Variants in ATP6V0A1 observed in about 807,000 individuals in gnomAD.
ATP6V0A1 encodes the protein ATPase H+ transporting V0 subunit a1, also known as V-type proton ATPase 116 kDa subunit a 1.
Under a neutral mutation model 105.4 loss-of-function variants are expected in ATP6V0A1, and 43 were observed. That is an observed-to-expected ratio of 0.41 (90% CI 0.32 to 0.53). The LOEUF (loss-of-function observed/expected upper bound fraction) is 0.53, where lower values mean the gene tolerates loss of function less well. Ranked by LOEUF, ATP6V0A1 falls within the 20% of genes least tolerant of loss-of-function variation. The pLI is 0.30. For missense variants in ATP6V0A1, 676 were observed against 1,051.1 expected, an observed-to-expected ratio of 0.64 and a Z score of 4.93; for synonymous variants, 362 against 372.8, an observed-to-expected ratio of 0.97 and a Z score of 0.33.
Position 42,507,574 on chromosome 17 carries a change from G to T in ATP6V0A1, c.2059G>T (p.Ala687Ser). ...RVGNGPTEED[A>S]EIIQHDQLST... is the part of the protein sequence containing the mutation. ...GGGCAACGGACCGACAGAGGAGGAT[G>T]CTGAGATTATTCAGCATGACCAGCT... is the stretch of plus-strand genomic sequence containing the variant. Residue 687 changes from alanine to serine, a missense_variant, in exon 18 of 22, where the codon GCT (alanine) becomes TCT (serine). Around this residue, in one of 3 missense-constraint regions of ATP6V0A1, gnomAD observed 435 missense variants for 642.2 expected, o/e 0.68. Coordinates refer to ENST00000343619, the MANE Select transcript of ATP6V0A1 (RefSeq NM_001130021.3). The T allele has an allele frequency of 1.2e-6, 2 of 1,614,052 alleles. No individual in the cohort carries two copies. The highest frequency in any genetic ancestry group is 1.7e-6 in the Non-Finnish European group (2 of 1,179,992).
rs541851512 is a variant in ATP6V0A1 at position 42,465,138 on chromosome 17, A to G, written c.118-1291A>G. On this transcript the variant is annotated intron_variant, in intron 2 of 21. Coordinates refer to ENST00000343619, the MANE Select transcript of ATP6V0A1 (RefSeq NM_001130021.3). ...CTCCTGAGTAGCTGGGATTACAGGCATGTACCATCATGCCCGGCTAATTTT... is the reference window on the plus strand; with the variant it reads ...CTCCTGAGTAGCTGGGATTACAGGCGTGTACCATCATGCCCGGCTAATTTT... Among the ~76,000 whole-genome samples the G allele has an allele frequency of 1.3e-4, 20 of 151,508 alleles. No homozygotes were observed. The South Asian group carries it at 4.2e-3, about 32-fold the overall frequency.
intron 2 of ATP6V0A1, among the ~76,000 whole-genome samples, chr17:42,462,656 G>T (rs1185186993): frequency 6.6e-6 from 1 of 152,070 alleles, no homozygotes; most frequent in African/African-American, 2.4e-5. Flanking sequence ...CTGACCTCTG[G>T]TGATCCACCC....
chr17:42,469,494 C>T (rs1416480418), intron 4 of ATP6V0A1, among the ~76,000 whole-genome samples: 1 of 151,424 alleles, frequency 6.6e-6, no homozygotes, highest in Non-Finnish European at 1.5e-5. Flanking sequence ...CTGCACCCAG[C>T]TAATTTTTTT....
intron 21 of ATP6V0A1, among the ~76,000 whole-genome samples, chr17:42,516,160 C>T (rs2092615130): frequency 1.3e-5 from 2 of 152,204 alleles, no homozygotes; most frequent in Admixed American, 1.3e-4. Flanking sequence ...GAATGTCTCT[C>T]TTCGTTCTCA....
At chr17:42,492,242 A>C (rs1334654591) in intron 11 of ATP6V0A1, among the ~76,000 whole-genome samples, 8 of 150,976 alleles carry the variant, frequency 5.3e-5, no homozygotes, top group Non-Finnish European at 1.2e-4. Flanking sequence ...GGTGGCATGC[A>C]CCTGTAGTCC....
At position 42,478,453 on chromosome 17, in the gene ATP6V0A1, C is replaced by T; in HGVS notation, c.507-10C>T. On this transcript the variant is annotated splice_polypyrimidine_tract_variant and intron_variant, in intron 6 of 21. Transcript: ENST00000343619. Reference sequence around the variant, plus strand: ...GAATAGAGTTTCCAATCTGCCTCTTCTCCCCACAGCTTCGTGGCTGGTGTC... The same window carrying T: ...GAATAGAGTTTCCAATCTGCCTCTTTTCCCCACAGCTTCGTGGCTGGTGTC... 6.3e-7 allele frequency: 1 copy of T among 1,582,556 alleles called. No individual in the cohort carries two copies. The highest frequency in any genetic ancestry group is 1.1e-5 in the South Asian group (1 of 87,344).
At chr17:42,471,888 A>ATTC (rs1339763444) in intron 5 of ATP6V0A1, among the ~76,000 whole-genome samples, 1 of 152,114 alleles carries the variant, frequency 6.6e-6, no homozygotes, top group African/African-American at 2.4e-5. Flanking sequence ...CTGATGGCCT[A>ATTC]AAGTACAGTA....
chr17:42,499,190 G>A (rs919068046), intron 15 of ATP6V0A1, 148 bp downstream of exon 15: 1 of 654,366 alleles, frequency 1.5e-6, no homozygotes, highest in African/African-American at 1.8e-5. Context: ...TAATGGTGTG[G>A]CCAGGCGCGG....
chr17:42,489,927 A>G (rs1427597183), intron 10 of ATP6V0A1, among the ~76,000 whole-genome samples: 2 of 152,206 alleles, frequency 1.3e-5, no homozygotes. Context: ...TAGAAAAGCA[A>G]TGGTCAGCGA....
chr17:42,488,327 C>T (rs1415587026), intron 10 of ATP6V0A1, among the ~76,000 whole-genome samples: 1 of 152,168 alleles, frequency 6.6e-6, no homozygotes, highest in Non-Finnish European at 1.5e-5. Context: ...TACCTGTCTG[C>T]ATCAGGTAGT....
intron 2 of ATP6V0A1, among the ~76,000 whole-genome samples, chr17:42,461,998 G>A (rs1414997371): frequency 6.7e-6 from 1 of 150,072 alleles, no homozygotes; most frequent in East Asian, 1.9e-4. Flanking sequence ...CTTGAGCCCA[G>A]GAGTTGGAGA....
intron 3 of ATP6V0A1, 23 bp downstream of exon 3, chr17:42,466,530 T>G (rs1042506897): frequency 1.3e-6 from 2 of 1,581,246 alleles, no homozygotes; most frequent in African/African-American, 2.7e-5. Flanking sequence ...TGGTCTTGTG[T>G]AATGTTCCTT....
intron 17 of ATP6V0A1, among the ~76,000 whole-genome samples, chr17:42,502,467 A>T (rs1268841237): frequency 1.3e-5 from 2 of 151,844 alleles, no homozygotes; most frequent in South Asian, 2.1e-4. Flanking sequence ...CGTTTACTTA[A>T]TGTCTGTGTG....
In ATP6V0A1 at chr17:42,507,637, C is replaced by T. The variant is rs535976965; in HGVS notation, c.2112+10C>T. On this transcript the variant is annotated intron_variant, in intron 18 of 21. Coordinates refer to ENST00000343619, the MANE Select transcript of ATP6V0A1 (RefSeq NM_001130021.3). Reference sequence around the variant, plus strand: ...AGAGGACGCAGACGAGGTAAGATCCCGTGGTGTGGGCTTTCTCTCCTTCCA... The same window carrying T: ...AGAGGACGCAGACGAGGTAAGATCCTGTGGTGTGGGCTTTCTCTCCTTCCA... 1.9e-5 allele frequency: 30 copies of T among 1,610,596 alleles called. 1 individual carries two copies. In the African/African-American group the frequency reaches 2.1e-4, roughly 11 times the overall value.
chr17:42,512,670 CCCTGTGGCCT>C (rs1486771749), intron 19 of ATP6V0A1, among the ~76,000 whole-genome samples: 1 of 152,174 alleles, frequency 6.6e-6, no homozygotes, highest in Non-Finnish European at 1.5e-5. Context: ...CTGGCTGCAC[CCCTGTGGCCT>C]GGGCTGTTGT....
chr17:42,490,336 T>A (rs1465432419), intron 10 of ATP6V0A1, 151 bp from the exon 11 acceptor site: 1 of 641,242 alleles, frequency 1.6e-6, no homozygotes, highest in African/African-American at 1.9e-5. Flanking sequence ...TTTTTAGGTT[T>A]ATTAGTTTTA....
At chr17:42,484,671 CATGGAAG>C (rs1471135460) in intron 9 of ATP6V0A1, among the ~76,000 whole-genome samples, 1 of 152,076 alleles carries the variant, frequency 6.6e-6, no homozygotes, top group African/African-American at 2.4e-5. Flanking sequence ...ACTGTGTGTA[CATGGAAG>C]GAAAGGCTGG....
intron 6 of ATP6V0A1, among the ~76,000 whole-genome samples, 175 bp from the exon 7 acceptor site, chr17:42,478,288 C>A (rs1279446887): frequency 6.6e-6 from 1 of 151,626 alleles, no homozygotes; most frequent in Non-Finnish European, 1.5e-5. Context: ...TGCAGCACAC[C>A]AACATGGCAC....
intron 11 of ATP6V0A1, 32 bp from the exon 12 acceptor site, chr17:42,494,301 CT>C: frequency 1.3e-6 from 2 of 1,577,354 alleles, no homozygotes; most frequent in Non-Finnish European, 1.7e-6. Context: ...GTTTAATGTA[CT>C]TTGTATTTTT....
Sources: allele counts gnomAD v4.1 joint callset (sites outside exome capture counted in the v4.1 genomes callset), GRCh38; gene constraint gnomAD v4.1.1; regional missense constraint gnomAD v4.1.1; transcripts MANE v1.5; gene names NCBI Gene and HGNC (gene_info 2026-07-23, HGNC 2026-07-21).